HERC1: variants seen among roughly 807,000 people sequenced by gnomAD.
HERC1 encodes probable E3 ubiquitin-protein ligase HERC1.
HERC1 carries 160 observed loss-of-function variants against 554.3 expected under a neutral mutation model. That is an observed-to-expected ratio of 0.29 (90% confidence interval 0.25 to 0.33). The LOEUF is 0.33. HERC1 is among the 10% of genes least tolerant of loss of function. HERC1 has a pLI of 1.00. For synonymous variants in HERC1, 2,175 were observed against 2,131.7 expected (o/e 1.02, Z -0.56); for missense variants, 4,919 against 5,918.5 (o/e 0.83, Z 5.54).
chr15:63,651,195 A>G, intron 53 of HERC1, 58 bp downstream of exon 53: 3 of 1,531,216 alleles, frequency 2.0e-6, no homozygotes, highest in East Asian at 2.3e-5. Flanking sequence ...CAGAAGACTA[A>G]GAAGAAGGCT....
At chr15:63,743,456 G>C (rs940510160) in intron 12 of HERC1, among the ~76,000 whole-genome samples, 1 of 151,190 alleles carries the variant, frequency 6.6e-6, no homozygotes, top group Admixed American at 6.6e-5. Context: ...GTAGAGAAGG[G>C]GTTTCACCAT....
rs768794207 is a variant in HERC1 at position 63,658,561 on chromosome 15, C to G, written c.9582G>C (p.Leu3194=). 2.7e-5 allele frequency: 43 copies of G among 1,611,836 alleles called. 2 individuals are homozygous for G. The Middle Eastern group carries it at 4.9e-4, about 19-fold the overall frequency. The change falls in exon 48 of 78, where the codon CTG becomes CTC. Residue 3194 remains leucine, a synonymous_variant. Transcript: ENST00000443617. The part of the protein sequence containing the change: ...LLARTMVMRA[L]SLLSVSGSSC... ...ACACTTACCTGACTGAGAGAAGAGA[C>G]AGCGCTCTCATGACCATGGTTCTGG...
intron 24 of HERC1, among the ~76,000 whole-genome samples, chr15:63,711,307 C>T (rs886369492): frequency 7.1e-6 from 1 of 141,704 alleles, no homozygotes; most frequent in Non-Finnish European, 1.6e-5. Flanking sequence ...AGGGTAATAT[C>T]CTGTCTCAAA....
chr15:63,667,359 T>A (rs769914803), intron 40 of HERC1, among the ~76,000 whole-genome samples: 4 of 152,142 alleles, frequency 2.6e-5, no homozygotes, highest in African/African-American at 4.8e-5. Context: ...TATTATTCCA[T>A]GTATTCAGTA....
intron 1 of HERC1, among the ~76,000 whole-genome samples, chr15:63,816,480 T>C (rs1161875388): frequency 6.6e-6 from 1 of 152,242 alleles, no homozygotes. Flanking sequence ...TAGTAACTAC[T>C]GCCCTGCACA....
At chr15:63,623,173 C>T (rs773353920) in intron 73 of HERC1, among the ~76,000 whole-genome samples, 4 of 152,082 alleles carry the variant, frequency 2.6e-5, no homozygotes, top group Non-Finnish European at 5.9e-5. Flanking sequence ...ATGTTCAAAT[C>T]GAATCAGTAA....
At chr15:63,710,202 ATC>A (rs2073223836) in intron 24 of HERC1, among the ~76,000 whole-genome samples, 1 of 152,188 alleles carries the variant, frequency 6.6e-6, no homozygotes, top group Non-Finnish European at 1.5e-5. Flanking sequence ...TGGACTAGCC[ATC>A]TCTCTGCAGT....
At chr15:63,638,368 T>G (rs2152830633) in intron 63 of HERC1, 43 bp downstream of exon 63, 2 of 1,588,580 alleles carry the variant, frequency 1.3e-6, no homozygotes, top group South Asian at 2.3e-5. Context: ...ATTAGAATTT[T>G]CAGTTCCCAT....
intron 76 of HERC1, among the ~76,000 whole-genome samples, chr15:63,613,588 T>C (rs2067694270): frequency 6.6e-6 from 1 of 152,192 alleles, no homozygotes; most frequent in African/African-American, 2.4e-5. Flanking sequence ...TTTGCTTCAC[T>C]ATAATAACCT....
At chr15:63,663,285 A>C in intron 43 of HERC1, 81 bp from the exon 44 acceptor site, 1 of 1,144,384 alleles carries the variant, frequency 8.7e-7, no homozygotes. Context: ...ACTGCCATAC[A>C]TGTAGGTGAG....
chr15:63,832,763 C>G (rs1436543739), intron 1 of HERC1, among the ~76,000 whole-genome samples: 3 of 151,974 alleles, frequency 2.0e-5, no homozygotes, highest in Admixed American at 6.6e-5. Flanking sequence ...GGCCAGAGAA[C>G]TGATTCAAAT....
At chr15:63,765,063 A>C (rs1317653134) in intron 2 of HERC1, among the ~76,000 whole-genome samples, 1 of 152,222 alleles carries the variant, frequency 6.6e-6, no homozygotes, top group East Asian at 1.9e-4. Flanking sequence ...TTATGCAAGA[A>C]GCTGCCTTTC....
chr15:63,829,561 G>GTGTGTGTGTGTATA (rs1220043639), intron 1 of HERC1, among the ~76,000 whole-genome samples: 52 of 81,728 alleles, frequency 6.4e-4, no homozygotes, highest in African/African-American at 2.4e-3. Flanking sequence ...GTGTGTGTGT[G>GTGTGTGTGTGTATA]TATATATATA....
rs1379734435 is a variant in HERC1 at position 63,628,662 on chromosome 15, T to C, written c.13105+15A>G. 1 of 1,601,430 alleles carries C rather than the reference T, an allele frequency of 6.2e-7. No individual in the cohort carries two copies. Among genetic ancestry groups the C allele is most frequent in the African/African-American group, 1.3e-5 (1 of 74,272 alleles). ...AAAAGAAACGCTGCAGGAGCATGAA[T>C]ATTTCATTCCTCACCTGGTGCTCTT... On this transcript the variant is annotated intron_variant, in intron 70 of 77. Coordinates refer to ENST00000443617, the MANE Select transcript of HERC1 (RefSeq NM_003922.4).
At chr15:63,790,849 A>G (rs2076628861) in intron 1 of HERC1, among the ~76,000 whole-genome samples, 2 of 151,928 alleles carry the variant, frequency 1.3e-5, no homozygotes, top group Non-Finnish European at 2.9e-5. Flanking sequence ...AAAAACAAAA[A>G]AAGTTTGTAT....
chr15:63,739,188 TAA>T (rs2074679903), intron 12 of HERC1, among the ~76,000 whole-genome samples: 1 of 132,778 alleles, frequency 7.5e-6, no homozygotes, highest in African/African-American at 3.0e-5. Flanking sequence ...CAACAACCAC[TAA>T]TATACTTTTT....
intron 10 of HERC1, among the ~76,000 whole-genome samples, chr15:63,748,278 A>G (rs940126787): frequency 6.6e-6 from 1 of 152,150 alleles, no homozygotes; most frequent in African/African-American, 2.4e-5. Context: ...TCAACAAGAT[A>G]CAAAGAAGAC....
Position 63,690,666 on chromosome 15 carries a change from T to C in HERC1, c.5831-19A>G. 7.2e-7 allele frequency: 1 copy of C among 1,396,234 alleles called. No homozygotes were observed. Among genetic ancestry groups the C allele is most frequent in the Non-Finnish European group, 1.0e-6 (1 of 996,924 alleles). 86.5% of individuals were successfully genotyped at this position (1,396,234 alleles called of 1,614,324 possible). A position where few individuals can be genotyped will look rare whatever the true frequency, so the allele number is the denominator to read the frequency against. On this transcript the variant is annotated intron_variant, in intron 31 of 77. Transcript: ENST00000443617. ...GGGATACCTGGAGGGGAAAAGACCT[T>C]TTCTTATTATCAATGTGACTTAAAT... is the stretch of plus-strand genomic sequence containing the variant.
At chr15:63,818,668 T>C (rs2077579035) in intron 1 of HERC1, among the ~76,000 whole-genome samples, 1 of 152,244 alleles carries the variant, frequency 6.6e-6, no homozygotes, top group Non-Finnish European at 1.5e-5. Flanking sequence ...TCCTTCTTAA[T>C]ATCTTAGACC....
Sources: allele counts gnomAD v4.1 joint callset (sites outside exome capture counted in the v4.1 genomes callset), GRCh38; gene constraint gnomAD v4.1.1; transcripts MANE v1.5; gene names NCBI Gene and HGNC (gene_info 2026-07-23, HGNC 2026-07-21).